FOXP2: variants seen among roughly 807,000 people sequenced by gnomAD.
The protein encoded by FOXP2 is forkhead box P2, also known as forkhead box protein P2.
Under a neutral mutation model 115.8 loss-of-function variants are expected in FOXP2, and 12 were observed. That is an observed-to-expected ratio of 0.10 (90% confidence interval 0.07 to 0.17). The LOEUF (loss-of-function observed/expected upper bound fraction) is 0.17, where lower values mean the gene tolerates loss of function less well. Among genes scored for constraint, FOXP2 ranks in the 10% least tolerant of loss-of-function variants. The pLI is 1.00. For missense variants in FOXP2, 629 were observed against 843.5 expected, an observed-to-expected ratio of 0.75 and a Z score of 3.15; for synonymous variants, 328 against 297.7, an observed-to-expected ratio of 1.10 and a Z score of -1.05.
chr7:114,117,998 C>G (rs1401318805), intron 1 of FOXP2, among the ~76,000 whole-genome samples: 2 of 152,100 alleles, frequency 1.3e-5, no homozygotes, highest in East Asian at 1.9e-4. Context: ...CTAATTACCA[C>G]TCAAAGGCCT....
At chr7:114,383,714 C>T (rs192446835) in intron 2 of FOXP2, among the ~76,000 whole-genome samples, 24 of 151,844 alleles carry the variant, frequency 1.6e-4, no homozygotes, top group Admixed American at 9.8e-4. Flanking sequence ...TCTTTCTTAG[C>T]GTCTGAGGGT....
chr7:114,436,851 G>C (rs973613996), intron 2 of FOXP2, among the ~76,000 whole-genome samples: 2 of 152,020 alleles, frequency 1.3e-5, no homozygotes, highest in Admixed American at 1.3e-4. Flanking sequence ...CAAAGTAAAA[G>C]TAGAGAGGGC....
intron 2 of FOXP2, among the ~76,000 whole-genome samples, chr7:114,480,984 C>A (rs1796510167): frequency 6.6e-6 from 1 of 151,214 alleles, no homozygotes; most frequent in Non-Finnish European, 1.5e-5. Flanking sequence ...ATTAATTTAA[C>A]CAGATCTAAT....
intron 2 of FOXP2, among the ~76,000 whole-genome samples, chr7:114,446,956 G>T (rs1055015227): frequency 1.3e-5 from 2 of 151,786 alleles, no homozygotes; most frequent in African/African-American, 4.8e-5. Context: ...CACCATGTTG[G>T]CCAGGCTGAT....
At chr7:114,556,639 A>C (rs1800468559) in intron 3 of FOXP2, among the ~76,000 whole-genome samples, 1 of 152,234 alleles carries the variant, frequency 6.6e-6, no homozygotes, top group Admixed American at 6.5e-5. Flanking sequence ...TCCAATGGAA[A>C]AGACCACCAA....
chr7:114,126,129 A>G (rs988028470), intron 1 of FOXP2, among the ~76,000 whole-genome samples: 3 of 152,134 alleles, frequency 2.0e-5, no homozygotes, highest in African/African-American at 7.2e-5. Context: ...ATGCAAGACC[A>G]AGTGAATTAA....
chr7:114,661,157 G>A (rs756759800), intron 13 of FOXP2, among the ~76,000 whole-genome samples: 6 of 150,142 alleles, frequency 4.0e-5, no homozygotes, highest in Non-Finnish European at 5.9e-5. Flanking sequence ...TTTTATATTC[G>A]TAATATAAGA....
intron 2 of FOXP2, among the ~76,000 whole-genome samples, chr7:114,526,447 G>T (rs1051802372): frequency 6.7e-6 from 1 of 148,804 alleles, no homozygotes; most frequent in African/African-American, 2.5e-5. Flanking sequence ...TTGCACTCCA[G>T]TCTGGGCGAC....
chr7:114,297,105 AG>A, intron 2 of FOXP2: 2 of 454,908 alleles, frequency 4.4e-6, no homozygotes, highest in South Asian at 1.7e-5. Context: ...AGGGCAGGGC[AG>A]GGGGCTCAGT....
intron 1 of FOXP2, among the ~76,000 whole-genome samples, chr7:114,237,624 T>C (rs1795044804): frequency 6.6e-6 from 1 of 152,188 alleles, no homozygotes; most frequent in Non-Finnish European, 1.5e-5. Flanking sequence ...TCTCTGCTTT[T>C]GTTGCTTCAT....
chr7:114,663,698 G>A (rs1214987843), intron 15 of FOXP2, among the ~76,000 whole-genome samples, 179 bp downstream of exon 15: 1 of 151,868 alleles, frequency 6.6e-6, no homozygotes, highest in Non-Finnish European at 1.5e-5. Flanking sequence ...TTGATGTGAA[G>A]AAGCAAGAAG....
At chr7:114,164,145 A>T (rs1436022027) in intron 1 of FOXP2, among the ~76,000 whole-genome samples, 2 of 152,150 alleles carry the variant, frequency 1.3e-5, no homozygotes, top group Non-Finnish European at 2.9e-5. Flanking sequence ...TAATCTTGTT[A>T]CGTGGTGCAT....
intron 2 of FOXP2, among the ~76,000 whole-genome samples, chr7:114,346,595 G>A (rs2049603): frequency 0.45 from 68,158 of 151,608 alleles, 17,183 homozygotes; most frequent in East Asian, 0.84. Flanking sequence ...CTATTCAGCC[G>A]TAAAATAGTG....
At chr7:114,459,475 T>C (rs1249766457) in intron 2 of FOXP2, among the ~76,000 whole-genome samples, 2 of 152,246 alleles carry the variant, frequency 1.3e-5, no homozygotes, top group Admixed American at 6.5e-5. Context: ...CAGTAAGGTT[T>C]TCCTTTCAGT....
intron 1 of FOXP2, among the ~76,000 whole-genome samples, chr7:114,282,280 T>TATTAAGGTA (rs1348026532): frequency 6.6e-6 from 1 of 152,188 alleles, no homozygotes; most frequent in Non-Finnish European, 1.5e-5. Flanking sequence ...AATTATGTTT[T>TATTAAGGTA]ATTAAGGTAT....
intron 2 of FOXP2, among the ~76,000 whole-genome samples, chr7:114,373,766 T>C (rs1358541936): frequency 1.3e-5 from 2 of 152,238 alleles, no homozygotes; most frequent in Non-Finnish European, 2.9e-5. Context: ...GTACTTTCCA[T>C]ACATTTCTCA....
chr7:114,400,647 C>T (rs1229713316), intron 2 of FOXP2, among the ~76,000 whole-genome samples: 1 of 152,132 alleles, frequency 6.6e-6, no homozygotes, highest in Admixed American at 6.5e-5. Context: ...GAAACTGTTC[C>T]GCTTCAGATC....
intron 2 of FOXP2, among the ~76,000 whole-genome samples, chr7:114,508,669 T>A (rs1054016708): frequency 7.9e-5 from 12 of 152,024 alleles, no homozygotes; most frequent in Non-Finnish European, 1.5e-4. Context: ...AAAGAGATTT[T>A]TAGCAGAGAA....
intron 1 of FOXP2, among the ~76,000 whole-genome samples, chr7:114,097,297 A>G (rs1799673477): frequency 6.6e-6 from 1 of 152,112 alleles, no homozygotes; most frequent in Non-Finnish European, 1.5e-5. Flanking sequence ...CCTTCCTCCC[A>G]CCATCTAGTT....
Sources: allele counts gnomAD v4.1 joint callset (sites outside exome capture counted in the v4.1 genomes callset), GRCh38; gene constraint gnomAD v4.1.1; transcripts MANE v1.5; gene names NCBI Gene and HGNC (gene_info 2026-07-23, HGNC 2026-07-21).